ARHGAP31: variants seen among roughly 807,000 people sequenced by gnomAD.
The protein encoded by ARHGAP31 is Rho GTPase activating protein 31, also known as rho GTPase-activating protein 31.
Under a neutral mutation model 113.9 loss-of-function variants are expected in ARHGAP31, and 34 were observed. The ratio of observed to expected loss-of-function variants is 0.30; its 90% CI spans 0.23 to 0.40. ARHGAP31 has a LOEUF of 0.40. Among genes scored for constraint, ARHGAP31 ranks in the 10% least tolerant of loss-of-function variants. The probability of loss-of-function intolerance (pLI) is 1.00; values close to 1 mark genes in which losing one functional copy is unlikely to be tolerated. For missense variants in ARHGAP31, 1,548 were observed against 1,767.1 expected, an observed-to-expected ratio of 0.88 and a Z score of 2.22; for synonymous variants, 650 against 684.8, an observed-to-expected ratio of 0.95 and a Z score of 0.79.
intron 1 of ARHGAP31, among the ~76,000 whole-genome samples, chr3:119,309,774 C>G (rs188029862): frequency 6.6e-6 from 1 of 151,834 alleles, no homozygotes; most frequent in African/African-American, 2.4e-5. Flanking sequence ...AACTATCCCC[C>G]CCACCACAAC....
chr3:119,414,245 A>C lies in ARHGAP31; in HGVS notation c.2316A>C (p.Gly772=). Reference sequence around the variant, plus strand: ...CTCCACAAGCAACAGTGGAAGTAGGAGGCCCAGGCAATCTGTCTCCTCCAC... The same window carrying C: ...CTCCACAAGCAACAGTGGAAGTAGGCGGCCCAGGCAATCTGTCTCCTCCAC... The part of the protein sequence containing the change: ...KASPQATVEV[G]GPGNLSPPLP... The change falls in exon 12 of 12, where the codon GGA becomes GGC. Residue 772 remains glycine (G), a synonymous_variant. Coordinates refer to ENST00000264245, the MANE Select transcript of ARHGAP31 (RefSeq NM_020754.4). 1.2e-6 allele frequency: 2 copies of C among 1,614,182 alleles called. No individual in the cohort carries two copies. The highest frequency in any genetic ancestry group is 1.7e-6 in the Non-Finnish European group (2 of 1,180,018).
At chr3:119,304,089 C>T (rs141364693) in intron 1 of ARHGAP31, among the ~76,000 whole-genome samples, 54 of 152,234 alleles carry the variant, frequency 3.5e-4, no homozygotes, top group African/African-American at 1.2e-3. Context: ...CCACCGCACC[C>T]GGCCTCTTTT....
chr3:119,368,499 C>T lies in ARHGAP31; in HGVS notation c.331C>T (p.Leu111Phe), dbSNP rs781321959. The T allele has an allele frequency of 5.6e-6, 9 of 1,614,020 alleles. No individual in the cohort carries two copies. The highest frequency in any genetic ancestry group is 5.5e-5 in the South Asian group (5 of 91,088). ...GCCCAACCCCCTCCTGACTTATGAG[C>T]TCTATGAGAAATTCACGGTGAGTGT... The part of the protein sequence containing the change: ...ELPNPLLTYE[L>F]YEKFTEAVSH... The change falls in exon 3 of 12, where the codon CTC becomes TTC. Residue 111 changes from leucine to phenylalanine, a missense_variant. Physicochemically the swap from Leu to Phe is conservative, Grantham distance 22. Transcript: ENST00000264245.
intron 8 of ARHGAP31, among the ~76,000 whole-genome samples, chr3:119,394,850 G>C (rs928508619): frequency 1.3e-5 from 2 of 151,918 alleles, no homozygotes; most frequent in Non-Finnish European, 2.9e-5. Flanking sequence ...GGGAAAATGT[G>C]GATATAGAAG....
At chr3:119,380,881 C>A in intron 3 of ARHGAP31, 23 bp from the exon 4 acceptor site, 2 of 1,610,934 alleles carry the variant, frequency 1.2e-6, no homozygotes, top group Non-Finnish European at 1.7e-6. Context: ...ACTCACCAGG[C>A]TGCCTTGTGT....
chr3:119,337,489 T>C (rs550500473), intron 1 of ARHGAP31, among the ~76,000 whole-genome samples: 2 of 152,216 alleles, frequency 1.3e-5, no homozygotes, highest in Non-Finnish European at 1.5e-5. Context: ...AGAACAAAGC[T>C]TCCACAATAC....
chr3:119,303,732 T>C (rs1474834868), intron 1 of ARHGAP31, among the ~76,000 whole-genome samples: 2 of 152,172 alleles, frequency 1.3e-5, no homozygotes, highest in Non-Finnish European at 2.9e-5. Flanking sequence ...GTGAAGGCAA[T>C]TGAGCTAATT....
intron 1 of ARHGAP31, among the ~76,000 whole-genome samples, chr3:119,309,219 G>A (rs1377749604): frequency 1.3e-5 from 2 of 152,166 alleles, no homozygotes; most frequent in Non-Finnish European, 2.9e-5. Context: ...ATGGACAAAC[G>A]GAAAGCCCTG....
At chr3:119,359,157 A>G (rs1312384998) in intron 1 of ARHGAP31, among the ~76,000 whole-genome samples, 1 of 151,860 alleles carries the variant, frequency 6.6e-6, no homozygotes, top group Non-Finnish European at 1.5e-5. Context: ...AGCTGGGATT[A>G]TAGGCGTGCA....
chr3:119,296,837 G>A (rs1477661024), intron 1 of ARHGAP31, among the ~76,000 whole-genome samples: 1 of 152,220 alleles, frequency 6.6e-6, no homozygotes, highest in African/African-American at 2.4e-5. Context: ...AAGAAGCCCA[G>A]AGGGGTAAAT....
At chr3:119,401,119 C>T (rs373668204) in intron 9 of ARHGAP31, among the ~76,000 whole-genome samples, 2 of 149,148 alleles carry the variant, frequency 1.3e-5, no homozygotes, top group African/African-American at 5.0e-5. Context: ...TGCAGTGAGC[C>T]GAGATCACGA....
chr3:119,415,227 G>A lies in ARHGAP31; in HGVS notation c.3298G>A (p.Gly1100Arg), dbSNP rs770275454. 1 of 1,614,042 alleles carries A rather than the reference G, an allele frequency of 6.2e-7. No individual in the cohort carries two copies. Among genetic ancestry groups the A allele is most frequent in the Admixed American group, 1.7e-5 (1 of 60,006 alleles). ...LKSTECGPPKGKNRPSSLNLD... is the reference protein window; with the variant it reads ...LKSTECGPPKRKNRPSSLNLD... Reference sequence around the variant, plus strand: ...GAGCACAGAGTGTGGGCCCCCAAAAGGGAAAAACAGGCCTTCTTCCCTCAA... The same window carrying A: ...GAGCACAGAGTGTGGGCCCCCAAAAAGGAAAAACAGGCCTTCTTCCCTCAA... Residue 1100 changes from glycine to arginine, a missense_variant, in exon 12 of 12, where the codon GGG (glycine) becomes AGG (arginine). Transcript: ENST00000264245.
intron 1 of ARHGAP31, among the ~76,000 whole-genome samples, chr3:119,306,933 GAA>G (rs1469098872): frequency 6.6e-6 from 1 of 151,920 alleles, no homozygotes; most frequent in Non-Finnish European, 1.5e-5. Context: ...AAATCAGAAA[GAA>G]ACATTTCTAA....
intron 6 of ARHGAP31, among the ~76,000 whole-genome samples, chr3:119,387,176 C>G (rs1420970925): frequency 2.0e-5 from 3 of 152,202 alleles, no homozygotes; most frequent in Non-Finnish European, 4.4e-5. Context: ...ACCGCTGGAC[C>G]ACAGTCCGCC....
chr3:119,336,646 TTTA>T (rs1274647298), intron 1 of ARHGAP31, among the ~76,000 whole-genome samples: 1 of 152,134 alleles, frequency 6.6e-6, no homozygotes, highest in Non-Finnish European at 1.5e-5. Context: ...TATTTTTAAT[TTTA>T]TTGAGATATA....
At chr3:119,335,389 T>C (rs900503006) in intron 1 of ARHGAP31, among the ~76,000 whole-genome samples, 1 of 152,230 alleles carries the variant, frequency 6.6e-6, no homozygotes, top group Admixed American at 6.5e-5. Context: ...TTGTAGGAAC[T>C]GACCACCATT....
chr3:119,294,774 G>A lies in ARHGAP31; in HGVS notation c.-131G>A, dbSNP rs1272241025. On this transcript the variant is annotated 5_prime_UTR_variant, in exon 1 of 12. Coordinates refer to ENST00000264245, the MANE Select transcript of ARHGAP31 (RefSeq NM_020754.4). ...TCCATGCGCAGGGCCCCCAGCCCAA[G>A]TTCTTCCATCTTCCGATGCGGCCCC... 6.9e-6 allele frequency: 6 copies of A among 875,042 alleles called. No individual in the cohort carries two copies. In the African/African-American group the frequency reaches 9.9e-5, roughly 14 times the overall value. The allele number at this position is 875,042 out of a possible 1,614,324, so 54.2% of individuals were successfully genotyped here. A position where few individuals can be genotyped will look rare whatever the true frequency, so the allele number is the denominator to read the frequency against.
At chr3:119,384,364 G>A (rs1317232941) in intron 6 of ARHGAP31, among the ~76,000 whole-genome samples, 1 of 152,130 alleles carries the variant, frequency 6.6e-6, no homozygotes, top group Non-Finnish European at 1.5e-5. Context: ...GCTGTCTAAT[G>A]CCATACTATT....
intron 8 of ARHGAP31, among the ~76,000 whole-genome samples, chr3:119,396,952 A>G (rs765557670): frequency 6.6e-6 from 1 of 152,248 alleles, no homozygotes; most frequent in African/African-American, 2.4e-5. Context: ...AGAAGAGTTC[A>G]GAGAACCCTC....
Sources: allele counts gnomAD v4.1 joint callset (sites outside exome capture counted in the v4.1 genomes callset), GRCh38; gene constraint gnomAD v4.1.1; transcripts MANE v1.5; gene names NCBI Gene and HGNC (gene_info 2026-07-23, HGNC 2026-07-21).